Variants in SEMA3A observed in about 807,000 individuals in gnomAD.
SEMA3A encodes the protein semaphorin-3A.
In SEMA3A, 29 loss-of-function variants were observed where a neutral mutation model predicts 97.9. That is an observed-to-expected ratio of 0.30 (90% confidence interval 0.22 to 0.40). SEMA3A has a LOEUF of 0.40. Ranked by LOEUF, SEMA3A falls within the 10% of genes least tolerant of loss-of-function variation. The pLI, the probability that SEMA3A is intolerant of heterozygous loss-of-function variation, is 1.00. For synonymous variants in SEMA3A, 321 were observed against 323.7 expected (o/e 0.99, Z 0.09); for missense variants, 763 against 951.3 (o/e 0.80, Z 2.60).
intron 1 of SEMA3A, among the ~76,000 whole-genome samples, chr7:84,441,066 G>C (rs962545823): frequency 6.6e-6 from 1 of 152,090 alleles, no homozygotes; most frequent in Non-Finnish European, 1.5e-5. Flanking sequence ...GCTGAGGCAG[G>C]AGAATCACTT....
chr7:84,310,708 C>T (rs926634089), intron 2 of SEMA3A, among the ~76,000 whole-genome samples: 5 of 152,032 alleles, frequency 3.3e-5, no homozygotes, highest in African/African-American at 1.2e-4. Context: ...GATTTACTAG[C>T]AGTTAGAACT....
At chr7:84,179,630 A>G (rs1190974272) in intron 1 of SEMA3A, among the ~76,000 whole-genome samples, 1 of 152,116 alleles carries the variant, frequency 6.6e-6, no homozygotes, top group East Asian at 1.9e-4. Flanking sequence ...CTATGTTGTG[A>G]GGTCTTGAGA....
intron 4 of SEMA3A, among the ~76,000 whole-genome samples, chr7:84,062,784 C>T (rs1017201205): frequency 1.8e-4 from 28 of 152,162 alleles, no homozygotes; most frequent in Non-Finnish European, 3.5e-4. Context: ...CACGGAGTCT[C>T]GCTGATTGCT....
chr7:84,129,145 T>C lies in SEMA3A; in HGVS notation c.311A>G (p.Lys104Arg). 2.5e-6 allele frequency: 4 copies of C among 1,613,034 alleles called. No individual in the cohort carries two copies. The highest frequency in any genetic ancestry group is 1.7e-5 in the Admixed American group (1 of 60,002). The change falls in exon 3 of 17, where the codon AAG (lysine) becomes AGG (arginine). Residue 104 changes from lysine to arginine, a missense_variant. Physicochemically the swap from Lys to Arg is conservative, Grantham distance 26. Coordinates refer to ENST00000265362, the MANE Select transcript of SEMA3A (RefSeq NM_006080.3). ...PVSYTRRDEC[K>R]WAGKDILKEC... ...TACCAGGATGTCTTTTCCAGCCCAC[T>C]TGCATTCATCTCTTCTGGTGTAAGA...
intron 3 of SEMA3A, among the ~76,000 whole-genome samples, chr7:84,214,697 C>CTTT (rs754365106): frequency 2.2e-4 from 29 of 130,970 alleles, no homozygotes; most frequent in Admixed American, 4.7e-4. Context: ...TTAGAGCTTA[C>CTTT]TTTTTTTTTT....
chr7:83,968,612 G>A (rs894410798), intron 15 of SEMA3A, among the ~76,000 whole-genome samples: 2 of 151,856 alleles, frequency 1.3e-5, no homozygotes, highest in Admixed American at 1.3e-4. Flanking sequence ...TATTCTTGCC[G>A]CATGTCTGTC....
intron 1 of SEMA3A, among the ~76,000 whole-genome samples, chr7:84,426,277 CAGAT>C (rs1554384465): frequency 0.13 from 17,417 of 133,012 alleles, 1,260 homozygotes; most frequent in Non-Finnish European, 0.18. Context: ...GATATATAGA[CAGAT>C]AGATAGATAG....
intron 14 of SEMA3A, among the ~76,000 whole-genome samples, chr7:83,978,593 G>A (rs1167608809): frequency 1.3e-5 from 2 of 152,280 alleles, no homozygotes; most frequent in Non-Finnish European, 1.5e-5. Flanking sequence ...CACAAAGGCC[G>A]TTGAGAATTG....
chr7:84,043,878 T>C (rs1231218628), intron 6 of SEMA3A, among the ~76,000 whole-genome samples: 2 of 152,042 alleles, frequency 1.3e-5, no homozygotes, highest in African/African-American at 4.8e-5. Flanking sequence ...AATGCCTGTG[T>C]TTTCCCACAG....
At chr7:84,127,897 A>T (rs964522220) in intron 3 of SEMA3A, among the ~76,000 whole-genome samples, 1 of 152,220 alleles carries the variant, frequency 6.6e-6, no homozygotes, top group Non-Finnish European at 1.5e-5. Flanking sequence ...AAATACAGAT[A>T]AAACTTTTAA....
intron 2 of SEMA3A, among the ~76,000 whole-genome samples, chr7:84,326,015 T>C (rs764057344): frequency 1.3e-5 from 2 of 152,142 alleles, no homozygotes; most frequent in Non-Finnish European, 2.9e-5. Flanking sequence ...TGTCTTTCTC[T>C]GTCAGGCTTA....
chr7:84,358,022 G>C (rs954970703), intron 2 of SEMA3A, among the ~76,000 whole-genome samples: 4 of 152,160 alleles, frequency 2.6e-5, no homozygotes, highest in African/African-American at 7.2e-5. Flanking sequence ...GTTCTTTGTA[G>C]ATACTGGATA....
At chr7:84,142,201 T>C (rs904970575) in intron 1 of SEMA3A, among the ~76,000 whole-genome samples, 1 of 152,180 alleles carries the variant, frequency 6.6e-6, no homozygotes, top group African/African-American at 2.4e-5. Context: ...TTAACGGTCA[T>C]TCACCTACTA....
chr7:84,221,765 A>G (rs1271665637), intron 3 of SEMA3A, among the ~76,000 whole-genome samples: 1 of 152,036 alleles, frequency 6.6e-6, no homozygotes, highest in African/African-American at 2.4e-5. Flanking sequence ...AACAATTATA[A>G]TAGTAACATC....
intron 1 of SEMA3A, among the ~76,000 whole-genome samples, chr7:84,156,630 G>A (rs1180440275): frequency 6.6e-6 from 1 of 152,076 alleles, no homozygotes; most frequent in African/African-American, 2.4e-5. Flanking sequence ...GGGAAAGTTT[G>A]TATGCATGCG....
intron 1 of SEMA3A, among the ~76,000 whole-genome samples, chr7:84,443,846 C>T (rs1225335782): frequency 1.3e-5 from 2 of 151,458 alleles, no homozygotes; most frequent in African/African-American, 4.9e-5. Flanking sequence ...TGACTGGACC[C>T]ACCTCTTGGT....
At chr7:84,414,550 C>A (rs1022324043) in intron 1 of SEMA3A, among the ~76,000 whole-genome samples, 1 of 152,046 alleles carries the variant, frequency 6.6e-6, no homozygotes, top group African/African-American at 2.4e-5. Context: ...TAAGAAGACA[C>A]AAATGGTCAT....
intron 12 of SEMA3A, among the ~76,000 whole-genome samples, chr7:83,988,381 C>G (rs797815): frequency 3.0e-4 from 46 of 151,986 alleles, no homozygotes; most frequent in African/African-American, 1.0e-3. Context: ...CGCCCACCAC[C>G]ACGACTGGCT....
At chr7:84,085,578 A>AT (rs1348279585) in intron 4 of SEMA3A, among the ~76,000 whole-genome samples, 3 of 152,046 alleles carry the variant, frequency 2.0e-5, no homozygotes, top group Non-Finnish European at 4.4e-5. Flanking sequence ...TAAAATGTTT[A>AT]TTTTTTTGCA....
Sources: allele counts gnomAD v4.1 joint callset (sites outside exome capture counted in the v4.1 genomes callset), GRCh38; gene constraint gnomAD v4.1.1; transcripts MANE v1.5; gene names NCBI Gene and HGNC (gene_info 2026-07-23, HGNC 2026-07-21).